SRA1: variants seen among roughly 807,000 people sequenced by gnomAD.
SRA1 encodes steroid receptor RNA activator 1.
Under a neutral mutation model 24.3 loss-of-function variants are expected in SRA1, and 25 were observed. The observed-to-expected ratio is 1.03, with a 90% confidence interval of 0.75 to 1.43. The LOEUF is 1.43. SRA1 is among the 40% of genes most tolerant of loss of function. The pLI is 0.00. For missense variants in SRA1, 303 were observed against 286.6 expected, an observed-to-expected ratio of 1.06 and a Z score of -0.41; for synonymous variants, 104 against 109.5, an observed-to-expected ratio of 0.95 and a Z score of 0.31.
At chr5:140,557,944 C>T (rs901569936), upstream of SRA1, 3 of 185,310 alleles carry the variant, frequency 1.6e-5, no homozygotes, top group South Asian at 1.1e-4. Flanking sequence ...CACTTGAGCT[C>T]CCACGACCCT....
chr5:140,550,510 G>A lies in SRA1; in HGVS notation c.*190C>T, dbSNP rs1396107737. ...TCATCTCTCCTACCCAAGGCCCACC[G>A]CAGAGATGTTTTTATTGAAATGCAT... On this transcript the variant is annotated 3_prime_UTR_variant, in exon 5 of 5. Coordinates refer to ENST00000336283, the MANE Select transcript of SRA1 (RefSeq NM_001035235.4). The A allele has an allele frequency of 4.8e-6, 3 of 621,934 alleles. No homozygotes were observed. Among genetic ancestry groups the A allele is most frequent in the African/African-American group, 1.8e-5 (1 of 54,230 alleles). The allele number at this position is 621,934 out of a possible 1,614,324, so 38.5% of individuals were successfully genotyped here.
chr5:140,557,422 G>T lies in SRA1; in HGVS notation c.25+6C>A, dbSNP rs751311326. On this transcript the variant is annotated splice_donor_region_variant and intron_variant, in intron 1 of 4. Coordinates refer to ENST00000336283, the MANE Select transcript of SRA1 (RefSeq NM_001035235.4). ...CCTAGTGCCCTAGCCCGCCGGCTGC[G>T]CTCACCCGGCTTCACGTACAGCTCC... 1.9e-6 allele frequency: 3 copies of T among 1,574,658 alleles called. No individual in the cohort carries two copies. Among genetic ancestry groups the T allele is most frequent in the Non-Finnish European group, 2.6e-6 (3 of 1,162,158 alleles).
At position 140,551,188 on chromosome 5, in the gene SRA1, C is replaced by T. The variant is rs369741130; in HGVS notation, c.355-19G>A. 26 of 1,602,222 alleles carry T rather than the reference C, an allele frequency of 1.6e-5. No homozygotes were observed. The highest frequency in any genetic ancestry group is 2.1e-5 in the Non-Finnish European group (24 of 1,169,698). On this transcript the variant is annotated intron_variant, in intron 3 of 4. Coordinates refer to ENST00000336283, the MANE Select transcript of SRA1 (RefSeq NM_001035235.4). ...CCTGCTTCTAAGAGACAGAAGCCCCCCTCCAATTCAGTGCTGCCAGCCCAA... is the reference window on the plus strand; with the variant it reads ...CCTGCTTCTAAGAGACAGAAGCCCCTCTCCAATTCAGTGCTGCCAGCCCAA...
intron 2 of SRA1, 85 bp from the exon 3 acceptor site, chr5:140,552,269 C>T: frequency 1.0e-6 from 1 of 991,818 alleles, no homozygotes; most frequent in Non-Finnish European, 1.5e-6. Flanking sequence ...AGAAGGGCTA[C>T]TCTCTGAGAC....
At chr5:140,557,126 G>T in intron 2 of SRA1, 21 bp downstream of exon 2, 1 of 1,500,428 alleles carries the variant, frequency 6.7e-7, no homozygotes, top group South Asian at 1.2e-5. Flanking sequence ...GTCTGTCTCC[G>T]AGCACAGGGG....
chr5:140,551,108 C>T lies in SRA1; in HGVS notation c.416G>A (p.Gly139Glu), dbSNP rs1310604621. Residue 139 changes from glycine to glutamate, a missense_variant, in exon 4 of 5, where the codon GGA becomes GAA. Gly to Glu is a moderately conservative substitution (Grantham distance 98). Transcript: ENST00000336283. Reference sequence around the variant, plus strand: ...CTTCTTTACAGGTATTGACAACTTTCCTCCAGCCCACTGTTCCTGCAGCAG... The same window carrying T: ...CTTCTTTACAGGTATTGACAACTTTTCTCCAGCCCACTGTTCCTGCAGCAG... ...LALLQEQWAG[G>E]KLSIPVKKRM... 2 of 1,614,192 alleles carry T rather than the reference C, an allele frequency of 1.2e-6. No individual in the cohort carries two copies. The highest frequency in any genetic ancestry group is 3.3e-5 in the Admixed American group (2 of 60,030).
At chr5:140,557,321 C>G (rs1273673933) in intron 1 of SRA1, 49 bp from the exon 2 acceptor site, 1 of 1,606,154 alleles carries the variant, frequency 6.2e-7, no homozygotes, top group Non-Finnish European at 8.5e-7. Context: ...CCACTGTTAG[C>G]TTATACTGGG....
rs146641870 is a variant in SRA1 at position 140,554,941 on chromosome 5, C to T, written c.151+2206G>A. On this transcript the variant is annotated intron_variant, in intron 2 of 4. Transcript: ENST00000336283. Reference sequence around the variant, plus strand: ...AGTCCCAGGCTGGAGTGCAATGGTGCGATCTCGGCTCACTGCAGGCTCCAC... The same window carrying T: ...AGTCCCAGGCTGGAGTGCAATGGTGTGATCTCGGCTCACTGCAGGCTCCAC... Among the ~76,000 whole-genome samples, 18 of 151,676 alleles carry T rather than the reference C, an allele frequency of 1.2e-4. No homozygotes were observed. The East Asian group carries it at 2.9e-3, about 24-fold the overall frequency.
upstream of SRA1, chr5:140,557,483 C>A: frequency 6.5e-7 from 1 of 1,547,906 alleles, no homozygotes; most frequent in East Asian, 2.4e-5. Flanking sequence ...CGGGGCAGCG[C>A]GTCATTTCCG....
Position 140,550,503 on chromosome 5 carries a change from G to T in SRA1, c.*197C>A. On this transcript the variant is annotated 3_prime_UTR_variant, in exon 5 of 5. Transcript: ENST00000336283. ...GAAGGGTTCATCTCTCCTACCCAAG[G>T]CCCACCGCAGAGATGTTTTTATTGA... is the stretch of plus-strand genomic sequence containing the variant. 1 of 613,228 alleles carries T rather than the reference G, an allele frequency of 1.6e-6. No individual in the cohort carries two copies. 38.0% of individuals were successfully genotyped at this position (613,228 alleles called of 1,614,324 possible). A position where few individuals can be genotyped will look rare whatever the true frequency, so the allele number is the denominator to read the frequency against.
At position 140,550,917 on chromosome 5, in the gene SRA1, G is replaced by A. The variant is rs1289546831; in HGVS notation, c.464-6C>T. On this transcript the variant is annotated splice_polypyrimidine_tract_variant and splice_region_variant and intron_variant, in intron 4 of 4. Coordinates refer to ENST00000336283, the MANE Select transcript of SRA1 (RefSeq NM_001035235.4). ...CCACCGGTGGCTTGAAAGCTCTGAA[G>A]AGAGACGGGGGTTGAGCAAGCAGCC... The A allele has an allele frequency of 6.2e-7, 1 of 1,613,750 alleles. No individual in the cohort carries two copies. The highest frequency in any genetic ancestry group is 1.1e-5 in the South Asian group (1 of 91,062).
chr5:140,556,140 G>A (rs1332817172), intron 2 of SRA1, among the ~76,000 whole-genome samples: 1 of 152,216 alleles, frequency 6.6e-6, no homozygotes, highest in Admixed American at 6.5e-5. Flanking sequence ...TAAGACACAG[G>A]AAAGTCCCTC....
rs370657710 is a variant in SRA1, at chr5:140,550,677, C to T, written c.*23G>A. The T allele has an allele frequency of 5.8e-5, 94 of 1,610,672 alleles. No homozygotes were observed. The highest frequency in any genetic ancestry group is 7.0e-5 in the Non-Finnish European group (82 of 1,177,146). ...TCTCCAAGGCATAGGAGATGGTGTCCGGTGAGTCTGGGGAACCGAGGATTA... is the reference window on the plus strand; with the variant it reads ...TCTCCAAGGCATAGGAGATGGTGTCTGGTGAGTCTGGGGAACCGAGGATTA... On this transcript the variant is annotated 3_prime_UTR_variant, in exon 5 of 5. Transcript: ENST00000336283.
At chr5:140,557,405 C>A in intron 1 of SRA1, 23 bp downstream of exon 1, 1 of 1,587,336 alleles carries the variant, frequency 6.3e-7, no homozygotes, top group South Asian at 1.1e-5. Context: ...AACCTAGTGC[C>A]CTAGCCCGCC....
chr5:140,552,102 C>A lies in SRA1; in HGVS notation c.234G>T (p.Val78=). 6.2e-7 allele frequency: 1 copy of A among 1,613,734 alleles called. No individual in the cohort carries two copies. Among genetic ancestry groups the A allele is most frequent in the Admixed American group, 1.7e-5 (1 of 59,978 alleles). ...CCACGCCAGAGGCAGGACCACTCCCCACAGGTGGGGACCTGGGAGCCTTAC... is the reference window on the plus strand; with the variant it reads ...CCACGCCAGAGGCAGGACCACTCCCAACAGGTGGGGACCTGGGAGCCTTAC... ...PSSKAPRSPP[V]GSGPASGVEP... Residue 78 remains valine, a synonymous_variant, in exon 3 of 5, where the codon GTG becomes GTT. Transcript: ENST00000336283.
chr5:140,555,781 A>AT (rs1754678895), intron 2 of SRA1, among the ~76,000 whole-genome samples: 1 of 151,070 alleles, frequency 6.6e-6, no homozygotes, highest in South Asian at 2.1e-4. Flanking sequence ...CAGTCTTCCT[A>AT]TATCAAGCAA....
chr5:140,556,170 C>A (rs996287861), intron 2 of SRA1, among the ~76,000 whole-genome samples: 12 of 152,246 alleles, frequency 7.9e-5, no homozygotes, highest in African/African-American at 2.7e-4. Flanking sequence ...TATCTGGCCA[C>A]AACCTATCAA....
chr5:140,552,477 A>C (rs1754592845), intron 2 of SRA1, among the ~76,000 whole-genome samples: 1 of 151,912 alleles, frequency 6.6e-6, no homozygotes, highest in African/African-American at 2.4e-5. Flanking sequence ...ACATGGCAAA[A>C]CCCTGTCTCT....
At chr5:140,552,223 T>C (rs1283396056) in intron 2 of SRA1, 39 bp from the exon 3 acceptor site, 5 of 1,450,628 alleles carry the variant, frequency 3.4e-6, no homozygotes, top group Non-Finnish European at 3.7e-6. Context: ...ATGGCTTAAA[T>C]GGGTAAGAAG....
Sources: gnomAD v4.1 joint callset for allele counts (sites outside exome capture counted in the v4.1 genomes callset) on GRCh38, gnomAD v4.1.1 for gene constraint, MANE v1.5 for transcripts, NCBI Gene and HGNC (gene_info 2026-07-23, HGNC 2026-07-21) for gene names.